EVI5: variants seen among roughly 807,000 people sequenced by gnomAD.
The protein encoded by EVI5 is ecotropic viral integration site 5 protein homolog.
A neutral mutation model predicts 112.0 loss-of-function variants in EVI5; 73 were observed. The observed-to-expected ratio is 0.65, with a 90% CI of 0.54 to 0.79. EVI5 has a LOEUF of 0.79. Ranked by LOEUF, EVI5 falls within the 30% of genes least tolerant of loss-of-function variation. The pLI is 0.00. For synonymous variants in EVI5, 305 were observed against 319.9 expected, an observed-to-expected ratio of 0.95 and a Z score of 0.50; for missense variants, 900 against 968.8, an observed-to-expected ratio of 0.93 and a Z score of 0.94.
Position 92,669,547 on chromosome 1 carries a change from C to CAAAAA in EVI5, c.1159-3560_1159-3556dup, listed in dbSNP as rs56412396. Among the ~76,000 whole-genome samples, 51 of 51,822 alleles carry CAAAAA rather than the reference C, an allele frequency of 9.8e-4. 5 individuals carry two copies. Among genetic ancestry groups the CAAAAA allele is most frequent in the Middle Eastern group, 0.027 (2 of 74 alleles). The allele number at this position is 51,822 out of a possible 152,430, so 34.0% of individuals were successfully genotyped here. A position where few individuals can be genotyped will look rare whatever the true frequency, so the allele number is the denominator to read the frequency against. On this transcript the variant is annotated intron_variant, in intron 10 of 19. Coordinates refer to ENST00000684568, the MANE Select transcript of EVI5 (RefSeq NM_001350197.2). Reference sequence around the variant, plus strand: ...TGGGCAACGGAGCAAGGCTCTGTCTCAAAAAAAAAAAAAATCACTGGGAAA... The same window carrying CAAAAA: ...TGGGCAACGGAGCAAGGCTCTGTCTCAAAAAAAAAAAAAAAAAAATCACTGGGAAA...
At chr1:92,551,526 T>C (rs562767351) in intron 19 of EVI5, among the ~76,000 whole-genome samples, 1 of 152,336 alleles carries the variant, frequency 6.6e-6, no homozygotes, top group South Asian at 2.1e-4. Flanking sequence ...CTGTAGCTCA[T>C]TTTAGCATCC....
At chr1:92,665,413 G>C (rs910001869) in intron 11 of EVI5, among the ~76,000 whole-genome samples, 3 of 152,192 alleles carry the variant, frequency 2.0e-5, no homozygotes, top group African/African-American at 7.2e-5. Flanking sequence ...ATATAAAACA[G>C]AGAAAATGTA....
chr1:92,551,253 G>C (rs1666892446), intron 19 of EVI5, among the ~76,000 whole-genome samples: 2 of 123,244 alleles, frequency 1.6e-5, no homozygotes. Context: ...GGCTGATCTT[G>C]AACTCCTGAG....
At chr1:92,626,603 C>G (rs952133814) in intron 14 of EVI5, among the ~76,000 whole-genome samples, 5 of 152,112 alleles carry the variant, frequency 3.3e-5, no homozygotes, top group Non-Finnish European at 5.9e-5. Context: ...AACTGCCAAA[C>G]TTTTCCAAAG....
At chr1:92,708,631 T>C (rs1672372115) in intron 2 of EVI5, among the ~76,000 whole-genome samples, 1 of 151,844 alleles carries the variant, frequency 6.6e-6, no homozygotes, top group African/African-American at 2.4e-5. Flanking sequence ...CCAAAAGAAA[T>C]GAAAATTTAT....
At chr1:92,706,728 T>G (rs1429990692) in intron 2 of EVI5, among the ~76,000 whole-genome samples, 1 of 152,180 alleles carries the variant, frequency 6.6e-6, no homozygotes, top group Admixed American at 6.5e-5. Flanking sequence ...AACATTGAAA[T>G]AGCACATCCA....
At chr1:92,707,009 C>T (rs889903006) in intron 2 of EVI5, among the ~76,000 whole-genome samples, 1 of 151,496 alleles carries the variant, frequency 6.6e-6, no homozygotes, top group African/African-American at 2.4e-5. Flanking sequence ...TGGAGAAACC[C>T]TGTCTACTAA....
chr1:92,549,130 G>C (rs892311066), intron 19 of EVI5, among the ~76,000 whole-genome samples: 12 of 152,050 alleles, frequency 7.9e-5, no homozygotes, highest in African/African-American at 2.7e-4. Flanking sequence ...AAACAGCATG[G>C]TACTGGTACC....
chr1:92,778,161 C>G (rs1684397557), intron 1 of EVI5, among the ~76,000 whole-genome samples: 1 of 152,094 alleles, frequency 6.6e-6, no homozygotes, highest in African/African-American at 2.4e-5. Flanking sequence ...CCTGCCTCAG[C>G]CTCCCAAAGG....
chr1:92,721,956 A>G (rs1674821282), intron 2 of EVI5, among the ~76,000 whole-genome samples: 1 of 152,212 alleles, frequency 6.6e-6, no homozygotes, highest in Admixed American at 6.6e-5. Flanking sequence ...TATAATAACC[A>G]ACTGAACACT....
intron 4 of EVI5, among the ~76,000 whole-genome samples, 198 bp downstream of exon 4, chr1:92,703,197 G>A (rs1671466090): frequency 6.6e-6 from 1 of 151,752 alleles, no homozygotes; most frequent in African/African-American, 2.4e-5. Context: ...GCTAAATAAC[G>A]TAGTAAATGT....
intron 13 of EVI5, among the ~76,000 whole-genome samples, chr1:92,658,228 T>C (rs930139243): frequency 6.6e-6 from 1 of 152,152 alleles, no homozygotes; most frequent in Non-Finnish European, 1.5e-5. Context: ...GTACTAACAG[T>C]CTTAGCCAGA....
intron 1 of EVI5, chr1:92,792,241 G>A: frequency 1.4e-6 from 1 of 735,364 alleles, no homozygotes. Context: ...TGAAGATTAA[G>A]CGAAATATAC....
At chr1:92,514,489 C>T (rs1397759359) in intron 19 of EVI5, among the ~76,000 whole-genome samples, 1 of 151,998 alleles carries the variant, frequency 6.6e-6, no homozygotes, top group Non-Finnish European at 1.5e-5. Flanking sequence ...TAACAACCGT[C>T]CTATGTGATA....
At chr1:92,676,749 C>T (rs1203491715) in intron 10 of EVI5, among the ~76,000 whole-genome samples, 1 of 152,170 alleles carries the variant, frequency 6.6e-6, no homozygotes, top group Non-Finnish European at 1.5e-5. Context: ...AAGCTTTCTG[C>T]AGCTCTAGAG....
At chr1:92,542,878 G>A (rs1665058140) in intron 19 of EVI5, among the ~76,000 whole-genome samples, 1 of 152,166 alleles carries the variant, frequency 6.6e-6, no homozygotes, top group South Asian at 2.1e-4. Context: ...CTGAGCAGTA[G>A]GTTTCAACAG....
chr1:92,631,899 G>A (rs1268325302), intron 14 of EVI5, among the ~76,000 whole-genome samples: 1 of 152,176 alleles, frequency 6.6e-6, no homozygotes, highest in African/African-American at 2.4e-5. Context: ...AAGGGCTGCT[G>A]AATTTTGTCA....
Position 92,767,156 on chromosome 1 carries a change from T to A in EVI5, c.-82+17680A>T, listed in dbSNP as rs938059166. ...CATCTGCCCTGTTCCACCTGGGACA[T>A]GAACCATCACTTTGCCCAGTGTATC... On this transcript the variant is annotated intron_variant, in intron 1 of 19. Coordinates refer to ENST00000684568, the MANE Select transcript of EVI5 (RefSeq NM_001350197.2). 3.3e-5 allele frequency among the ~76,000 whole-genome samples: 5 copies of A among 151,814 alleles called. No homozygotes were observed. The East Asian group carries it at 7.7e-4, about 23-fold the overall frequency.
intron 16 of EVI5, among the ~76,000 whole-genome samples, chr1:92,607,982 A>T (rs1650829836): frequency 1.3e-5 from 2 of 151,646 alleles, no homozygotes; most frequent in Admixed American, 6.6e-5. Flanking sequence ...CGTCTCTACT[A>T]AAATTACAAA....
Sources: gnomAD v4.1 joint callset for allele counts (sites outside exome capture counted in the v4.1 genomes callset) on GRCh38, gnomAD v4.1.1 for gene constraint, MANE v1.5 for transcripts, NCBI Gene and HGNC (gene_info 2026-07-23, HGNC 2026-07-21) for gene names.